Variants in CHLSN observed in about 807,000 individuals in gnomAD.
The protein encoded by CHLSN is cholesin, also known as protein cholesin.
chr7:1,057,382 G>T, the CHLSN span: 2 of 602,486 alleles, frequency 3.3e-6, no homozygotes, highest in Non-Finnish European at 5.9e-6. Context: ...CTCGCTCTGT[G>T]GTCTGCAGCG....
the CHLSN span, among the ~76,000 whole-genome samples, chr7:1,135,355 T>TTA: frequency 1.8e-4 from 27 of 151,824 alleles, no homozygotes; most frequent in South Asian, 1.7e-3. Flanking sequence ...ATACATATAG[T>TTA]TATATATATA....
At chr7:1,131,842 C>A in the CHLSN span, among the ~76,000 whole-genome samples, 1 of 152,124 alleles carries the variant, frequency 6.6e-6, no homozygotes, top group African/African-American at 2.4e-5. Flanking sequence ...TGGAAAGGTT[C>A]CTTTTAATAG....
At chr7:1,032,952 G>C in the CHLSN span, among the ~76,000 whole-genome samples, 1 of 152,208 alleles carries the variant, frequency 6.6e-6, no homozygotes, top group Non-Finnish European at 1.5e-5. Flanking sequence ...TGGGAAACCT[G>C]TGAGCCCCAG....
chr7:1,007,729 TC>T, the CHLSN span, among the ~76,000 whole-genome samples: 1 of 152,052 alleles, frequency 6.6e-6, no homozygotes, highest in East Asian at 1.9e-4. Context: ...ACACAGTGCC[TC>T]CGCACAGGAC....
chr7:988,514 G>C, the CHLSN span: 1 of 1,598,928 alleles, frequency 6.3e-7, no homozygotes, highest in Non-Finnish European at 8.5e-7. Context: ...CCCACCTCCT[G>C]ATCTCAGGTT....
At chr7:1,000,100 G>T in the CHLSN span, among the ~76,000 whole-genome samples, 3 of 152,236 alleles carry the variant, frequency 2.0e-5, no homozygotes, top group Non-Finnish European at 2.9e-5. Context: ...CTGAAGGCCG[G>T]CGGCAGGGCT....
At chr7:1,010,568 C>T in the CHLSN span, among the ~76,000 whole-genome samples, 1 of 152,320 alleles carries the variant, frequency 6.6e-6, no homozygotes, top group Non-Finnish European at 1.5e-5. Flanking sequence ...ACCCAAATCC[C>T]GAGGACGGTG....
the CHLSN span, among the ~76,000 whole-genome samples, chr7:985,842 C>T: frequency 3.1e-4 from 47 of 152,362 alleles, no homozygotes; most frequent in Non-Finnish European, 5.9e-4. Flanking sequence ...ACCTGCATCA[C>T]GGCTGGACCC....
the CHLSN span, among the ~76,000 whole-genome samples, chr7:1,085,874 G>A: frequency 5.5e-4 from 83 of 151,972 alleles, no homozygotes; most frequent in Non-Finnish European, 9.3e-4. Flanking sequence ...AGGTCTCTAT[G>A]CCTTACAAAT....
the CHLSN span, chr7:984,582 T>C: frequency 3.2e-6 from 5 of 1,559,044 alleles, no homozygotes; most frequent in South Asian, 3.5e-5. Flanking sequence ...GAGGTCGGTG[T>C]GTGGCCGGCG....
the CHLSN span, chr7:987,327 C>T: frequency 3.9e-6 from 6 of 1,552,798 alleles, no homozygotes; most frequent in South Asian, 3.5e-5. Context: ...GCCACCCAAG[C>T]GGCCCACCCT....
the CHLSN span, among the ~76,000 whole-genome samples, chr7:978,883 T>G: frequency 6.6e-6 from 1 of 152,220 alleles, no homozygotes; most frequent in Non-Finnish European, 1.5e-5. Context: ...CCGGGTTAGC[T>G]CCACTTCGGA....
At chr7:1,068,145 C>T in the CHLSN span, among the ~76,000 whole-genome samples, 6 of 152,316 alleles carry the variant, frequency 3.9e-5, no homozygotes, top group East Asian at 1.2e-3. Flanking sequence ...AGGGCAAAGC[C>T]TTGAGACACG....
the CHLSN span, among the ~76,000 whole-genome samples, chr7:1,098,816 C>T: frequency 1.3e-5 from 2 of 151,298 alleles, no homozygotes; most frequent in African/African-American, 2.4e-5. Flanking sequence ...AAGCGGCTGC[C>T]GGGGCTGGGG....
At chr7:988,955 C>G in the CHLSN span, 1 of 622,028 alleles carries the variant, frequency 1.6e-6, no homozygotes, top group Non-Finnish European at 2.8e-6. Flanking sequence ...ACCCCCACCC[C>G]CACAGGGTCA....
the CHLSN span, among the ~76,000 whole-genome samples, chr7:1,115,688 C>T: frequency 7.6e-6 from 1 of 131,174 alleles, no homozygotes; most frequent in Non-Finnish European, 1.7e-5. Flanking sequence ...CACCAACGCC[C>T]ACGCAGGATG....
chr7:1,041,312 C>T, the CHLSN span, among the ~76,000 whole-genome samples: 315 of 113,722 alleles, frequency 2.8e-3, 26 homozygotes, highest in African/African-American at 7.9e-3. Context: ...ACCTGGGGTC[C>T]GCGCTGCGGG....
the CHLSN span, chr7:1,092,913 G>A: frequency 6.6e-7 from 1 of 1,516,748 alleles, no homozygotes; most frequent in Non-Finnish European, 9.1e-7. Flanking sequence ...CACACACCTG[G>A]GTGGACACAA....
chr7:1,016,663 GCACAGCAGCA>G, the CHLSN span, among the ~76,000 whole-genome samples: 5 of 57,602 alleles, frequency 8.7e-5, no homozygotes, highest in Non-Finnish European at 1.4e-4. Context: ...ACACAGCAGC[GCACAGCAGCA>G]CACGCCAGGG....
Sources: allele counts gnomAD v4.1 joint callset (sites outside exome capture counted in the v4.1 genomes callset), GRCh38; gene constraint gnomAD v4.1.1; transcripts MANE v1.5; gene names NCBI Gene and HGNC (gene_info 2026-07-23, HGNC 2026-07-21).